The following PM20D2 variants were observed in gnomAD, a reference collection of about 807,000 sequenced individuals.
PM20D2 encodes xaa-Arg dipeptidase.
PM20D2 carries 33 observed loss-of-function variants against 42.9 expected under a neutral mutation model. The observed-to-expected ratio is 0.77, with a 90% confidence interval of 0.58 to 1.03. PM20D2 has a LOEUF of 1.03. Ranked by LOEUF, PM20D2 falls within the 50% of genes least tolerant of loss-of-function variation. The pLI is 0.00. For missense variants in PM20D2, 548 were observed against 557.0 expected, an observed-to-expected ratio of 0.98 and a Z score of 0.16; for synonymous variants, 250 against 228.2, an observed-to-expected ratio of 1.10 and a Z score of -0.86.
chr6:89,139,625 T>A, the PM20D2 span, among the ~76,000 whole-genome samples: 3 of 152,194 alleles, frequency 2.0e-5, no homozygotes, highest in Admixed American at 6.5e-5. Flanking sequence ...GGAGGATTGC[T>A]TGAGCCTGGG....
the PM20D2 span, among the ~76,000 whole-genome samples, chr6:89,109,929 A>C: frequency 1.3e-5 from 2 of 152,068 alleles, no homozygotes; most frequent in Admixed American, 6.5e-5. Flanking sequence ...ATCTCTACTA[A>C]AAATACAAAA....
At chr6:89,104,739 G>T in the PM20D2 span, among the ~76,000 whole-genome samples, 269 of 152,072 alleles carry the variant, frequency 1.8e-3, 1 homozygote, top group African/African-American at 6.2e-3. Context: ...GACTAAGGTG[G>T]ACTGTTTATA....
At chr6:89,162,037 C>A (rs989591090) in intron 6 of PM20D2, 72 bp from the exon 7 acceptor site, 3 of 1,549,470 alleles carry the variant, frequency 1.9e-6, no homozygotes, top group Non-Finnish European at 2.6e-6. Flanking sequence ...AGTTGAGATA[C>A]GGGTAGCTAA....
the PM20D2 span, among the ~76,000 whole-genome samples, chr6:89,100,835 C>T: frequency 5.3e-5 from 8 of 152,102 alleles, no homozygotes; most frequent in African/African-American, 1.9e-4. Context: ...AGACTGGGTG[C>T]AGTGGCTCAT....
At chr6:89,124,368 T>C in the PM20D2 span, among the ~76,000 whole-genome samples, 1 of 152,242 alleles carries the variant, frequency 6.6e-6, no homozygotes, top group Admixed American at 6.5e-5. Flanking sequence ...GTACCACCAC[T>C]GGTGAGTATC....
Position 89,146,316 on chromosome 6 carries a change from G to C in PM20D2, c.172G>C (p.Ala58Pro), listed in dbSNP as rs1435468181. ...CGAGCTGGCCTACGAGGAGCACCAT[G>C]CCCACCGCGTGCTGACGCACTTCTT... ...QPELAYEEHH[A>P]HRVLTHFFER... The change falls in exon 1 of 7, where the codon GCC becomes CCC. Residue 58 changes from alanine (A) to proline (P), a missense_variant. Transcript: ENST00000275072. 6.3e-7 allele frequency: 1 copy of C among 1,579,018 alleles called. No homozygotes were observed. The highest frequency in any genetic ancestry group is 8.5e-7 in the Non-Finnish European group (1 of 1,170,812).
chr6:89,145,092 T>C (rs1770477708), upstream of PM20D2, among the ~76,000 whole-genome samples: 1 of 152,218 alleles, frequency 6.6e-6, no homozygotes, highest in Admixed American at 6.5e-5. Flanking sequence ...GGAAAGATGA[T>C]AGGGTATGAA....
At chr6:89,105,673 GAAAA>G in the PM20D2 span, 2 of 534,994 alleles carry the variant, frequency 3.7e-6, no homozygotes, top group Non-Finnish European at 3.1e-6. Flanking sequence ...TGAATAATCA[GAAAA>G]AAAACTTTCA....
At chr6:89,094,630 A>T in the PM20D2 span, among the ~76,000 whole-genome samples, 2 of 152,176 alleles carry the variant, frequency 1.3e-5, no homozygotes, top group African/African-American at 4.8e-5. Flanking sequence ...TATCCTCAAT[A>T]TCCTATTTTC....
At chr6:89,114,382 C>A in the PM20D2 span, among the ~76,000 whole-genome samples, 1 of 152,238 alleles carries the variant, frequency 6.6e-6, no homozygotes, top group African/African-American at 2.4e-5. Flanking sequence ...GAGCCGAGAT[C>A]GTGCCACTGC....
At chr6:89,145,906 C>T, upstream of PM20D2, 1 of 390,036 alleles carries the variant, frequency 2.6e-6, no homozygotes, top group Non-Finnish European at 4.5e-6. Context: ...CTGCCTTCTC[C>T]ACAGCACCCC....
the PM20D2 span, among the ~76,000 whole-genome samples, chr6:89,124,006 T>A: frequency 6.6e-6 from 1 of 152,200 alleles, no homozygotes; most frequent in African/African-American, 2.4e-5. Context: ...CACTGCACTC[T>A]AGCCTGGGCA....
the PM20D2 span, among the ~76,000 whole-genome samples, chr6:89,121,029 A>G: frequency 1.3e-5 from 2 of 152,180 alleles, no homozygotes; most frequent in Admixed American, 1.3e-4. Flanking sequence ...TTTTATAAAT[A>G]TAGAAAAAAA....
chr6:89,146,649 C>T (rs745480298), intron 1 of PM20D2, 40 bp downstream of exon 1: 9 of 1,362,018 alleles, frequency 6.6e-6, no homozygotes, highest in African/African-American at 6.2e-5. Context: ...TCCGACTGCC[C>T]GGGTCGGGGG....
the PM20D2 span, among the ~76,000 whole-genome samples, chr6:89,099,417 TATATATATGTGTGTATATATATACAC>T: frequency 1.3e-4 from 17 of 131,724 alleles, no homozygotes; most frequent in South Asian, 1.2e-3. Flanking sequence ...TATATATACA[TATATATATGTGTGTATATATATACAC>T]ATATATATGT....
At chr6:89,125,206 C>T in the PM20D2 span, among the ~76,000 whole-genome samples, 2 of 152,140 alleles carry the variant, frequency 1.3e-5, no homozygotes, top group Non-Finnish European at 2.9e-5. Flanking sequence ...TCTCACCGGG[C>T]GCGGTAGCTC....
the PM20D2 span, among the ~76,000 whole-genome samples, chr6:89,126,037 G>T: frequency 8.2e-3 from 1,250 of 151,810 alleles, 17 homozygotes; most frequent in African/African-American, 0.029. Flanking sequence ...AGTTAGCTGA[G>T]ATCATGCCAC....
At chr6:89,103,939 G>C in the PM20D2 span, among the ~76,000 whole-genome samples, 2 of 146,746 alleles carry the variant, frequency 1.4e-5, no homozygotes, top group Non-Finnish European at 3.0e-5. Flanking sequence ...TAAGTAAATT[G>C]ATTTACATTA....
the PM20D2 span, among the ~76,000 whole-genome samples, chr6:89,134,769 G>T: frequency 6.6e-6 from 1 of 151,190 alleles, no homozygotes; most frequent in Non-Finnish European, 1.5e-5. Flanking sequence ...GGAGATTCTT[G>T]TGCAAGTGAT....
Sources: gnomAD v4.1 joint callset for allele counts (sites outside exome capture counted in the v4.1 genomes callset) on GRCh38, gnomAD v4.1.1 for gene constraint, MANE v1.5 for transcripts, NCBI Gene and HGNC (gene_info 2026-07-23, HGNC 2026-07-21) for gene names.